The following DNAH11 variants were observed in gnomAD, a reference collection of about 807,000 sequenced individuals.
The protein encoded by DNAH11 is dynein axonemal heavy chain 11.
A neutral mutation model predicts 526.0 loss-of-function variants in DNAH11; 442 were observed. The observed-to-expected ratio is 0.84, with a 90% CI of 0.78 to 0.91. The LOEUF is 0.91. Ranked by LOEUF, DNAH11 falls within the 40% of genes least tolerant of loss-of-function variation. The probability of loss-of-function intolerance (pLI) is 0.00; values close to 1 mark genes in which losing one functional copy is unlikely to be tolerated. For synonymous variants in DNAH11, 2,461 were observed against 1,935.9 expected, an observed-to-expected ratio of 1.27 and a Z score of -7.12; for missense variants, 6,989 against 5,448.7, an observed-to-expected ratio of 1.28 and a Z score of -8.90.
chr7:21,820,723 C>G (rs1790016132), intron 65 of DNAH11, among the ~76,000 whole-genome samples: 1 of 152,128 alleles, frequency 6.6e-6, no homozygotes, highest in Admixed American at 6.6e-5. Context: ...TCCAACCCCT[C>G]CTAAATACAC....
intron 61 of DNAH11, among the ~76,000 whole-genome samples, chr7:21,791,471 AC>A (rs1444823814): frequency 1.3e-5 from 2 of 152,206 alleles, no homozygotes; most frequent in African/African-American, 4.8e-5. Flanking sequence ...GGAATAAAAG[AC>A]TGAAAACAGA....
chr7:21,826,725 G>C (rs1224092574), intron 65 of DNAH11, among the ~76,000 whole-genome samples: 1 of 152,112 alleles, frequency 6.6e-6, no homozygotes, highest in Non-Finnish European at 1.5e-5. Context: ...AGGGACTGTT[G>C]AGCTGCCACA....
intron 68 of DNAH11, among the ~76,000 whole-genome samples, chr7:21,858,424 T>G (rs901183748): frequency 2.6e-5 from 4 of 152,224 alleles, no homozygotes; most frequent in Admixed American, 2.0e-4. Context: ...TAACAAATGT[T>G]CATAGATGCT....
At chr7:21,858,105 CAT>C (rs1445343461) in intron 68 of DNAH11, among the ~76,000 whole-genome samples, 14 of 152,100 alleles carry the variant, frequency 9.2e-5, no homozygotes, top group South Asian at 4.1e-4. Flanking sequence ...TGTAATAACA[CAT>C]GTGAATTATC....
intron 36 of DNAH11, among the ~76,000 whole-genome samples, chr7:21,700,866 A>C (rs956381470): frequency 2.6e-5 from 4 of 152,166 alleles, no homozygotes; most frequent in African/African-American, 9.7e-5. Context: ...GGAATAAGAA[A>C]CCAAACACCA....
At chr7:21,708,593 A>G (rs1242572129) in intron 40 of DNAH11, among the ~76,000 whole-genome samples, 2 of 152,032 alleles carry the variant, frequency 1.3e-5, no homozygotes, top group Non-Finnish European at 2.9e-5. Context: ...AACCTTTTCC[A>G]TGGCTTATAA....
At chr7:21,701,436 T>A (rs1329441648) in intron 36 of DNAH11, among the ~76,000 whole-genome samples, 1 of 152,062 alleles carries the variant, frequency 6.6e-6, no homozygotes, top group Non-Finnish European at 1.5e-5. Flanking sequence ...ACTCTAGGCG[T>A]GCACCATCAC....
intron 56 of DNAH11, among the ~76,000 whole-genome samples, chr7:21,774,996 C>G (rs949468340): frequency 4.6e-5 from 7 of 152,132 alleles, no homozygotes; most frequent in African/African-American, 1.7e-4. Context: ...TGTGGCTAGG[C>G]TAGAAATGAA....
chr7:21,775,881 A>G (rs1017744209), intron 56 of DNAH11, among the ~76,000 whole-genome samples: 3 of 152,176 alleles, frequency 2.0e-5, no homozygotes, highest in Non-Finnish European at 4.4e-5. Context: ...GCCCACTATC[A>G]GGAAATGATA....
intron 76 of DNAH11, among the ~76,000 whole-genome samples, chr7:21,887,826 A>C (rs977567273): frequency 6.6e-6 from 1 of 152,180 alleles, no homozygotes; most frequent in East Asian, 1.9e-4. Context: ...TGGAAGAGTA[A>C]GTATTATTCC....
At chr7:21,895,467 G>A (rs752876333) in intron 79 of DNAH11, among the ~76,000 whole-genome samples, 1 of 152,080 alleles carries the variant, frequency 6.6e-6, no homozygotes, top group Non-Finnish European at 1.5e-5. Flanking sequence ...ACTAGACTGG[G>A]GGTATAACTG....
intron 40 of DNAH11, among the ~76,000 whole-genome samples, chr7:21,709,677 T>A (rs1172533293): frequency 6.6e-6 from 1 of 152,238 alleles, no homozygotes; most frequent in East Asian, 1.9e-4. Context: ...GGGACAGTTT[T>A]TACTGTCTCA....
intron 74 of DNAH11, 61 bp downstream of exon 74, chr7:21,873,562 G>A (rs550537676): frequency 5.6e-5 from 85 of 1,522,390 alleles, no homozygotes; most frequent in Middle Eastern, 2.2e-4. Context: ...AAGACTGTGG[G>A]GCCCAGAATC....
At chr7:21,688,138 G>A (rs1353183593) in intron 34 of DNAH11, among the ~76,000 whole-genome samples, 1 of 152,124 alleles carries the variant, frequency 6.6e-6, no homozygotes, top group Admixed American at 6.5e-5. Flanking sequence ...ACCTCTGGCA[G>A]CATCTGATGC....
intron 20 of DNAH11, among the ~76,000 whole-genome samples, chr7:21,612,415 C>T (rs369558813): frequency 1.3e-5 from 2 of 151,728 alleles, no homozygotes; most frequent in South Asian, 2.1e-4. Context: ...ATTAGCCGGG[C>T]GTGGTGGCAG....
chr7:21,720,998 T>G, intron 44 of DNAH11, 142 bp downstream of exon 44: 2 of 1,082,816 alleles, frequency 1.8e-6, no homozygotes, highest in Non-Finnish European at 2.5e-6. Flanking sequence ...AGTCTATGCA[T>G]TCTCTGGGTA....
intron 80 of DNAH11, 148 bp downstream of exon 80, chr7:21,899,596 G>A: frequency 2.9e-6 from 2 of 701,260 alleles, no homozygotes; most frequent in Non-Finnish European, 4.8e-6. Flanking sequence ...CAGCTATAGA[G>A]GAAACAGAGT....
chr7:21,641,849 T>C (rs2128461095), intron 28 of DNAH11, among the ~76,000 whole-genome samples: 1 of 152,320 alleles, frequency 6.6e-6, no homozygotes, highest in Middle Eastern at 3.4e-3. Flanking sequence ...TCCAGGTACA[T>C]TGCTCAGTAC....
chr7:21,839,577 A>T (rs930351129), intron 65 of DNAH11, among the ~76,000 whole-genome samples: 1 of 151,662 alleles, frequency 6.6e-6, no homozygotes, highest in Non-Finnish European at 1.5e-5. Context: ...TCCGTTTCAA[A>T]AAAAAAAAAA....
Sources: allele counts gnomAD v4.1 joint callset (sites outside exome capture counted in the v4.1 genomes callset), GRCh38; gene constraint gnomAD v4.1.1; transcripts MANE v1.5; gene names NCBI Gene and HGNC (gene_info 2026-07-23, HGNC 2026-07-21).